CSMD1: variants seen among roughly 807,000 people sequenced by gnomAD.
The protein encoded by CSMD1 is CUB and Sushi multiple domains 1.
In CSMD1, 213 loss-of-function variants were observed where a neutral mutation model predicts 417.5. The observed-to-expected ratio is 0.51, with a 90% CI of 0.46 to 0.57. CSMD1 has a LOEUF of 0.57. CSMD1 is among the 20% of genes least tolerant of loss of function. The pLI, the probability that CSMD1 is intolerant of heterozygous loss-of-function variation, is 0.00. For missense variants in CSMD1, 6,923 were observed against 4,529.7 expected (o/e 1.53, Z -15.17); for synonymous variants, 2,862 against 1,736.8 (o/e 1.65, Z -16.11).
chr8:3,322,819 A>G (rs1584998241), intron 23 of CSMD1, among the ~76,000 whole-genome samples: 1 of 152,250 alleles, frequency 6.6e-6, no homozygotes, highest in South Asian at 2.1e-4. Flanking sequence ...TCTGCTTACA[A>G]AATCATTTCC....
At chr8:3,666,116 G>C (rs1287360098) in intron 7 of CSMD1, among the ~76,000 whole-genome samples, 4 of 152,148 alleles carry the variant, frequency 2.6e-5, no homozygotes, top group Admixed American at 6.5e-5. Context: ...GGCTGGTCTT[G>C]AACTTCTGAC....
chr8:4,573,279 C>G (rs887008487), intron 2 of CSMD1, among the ~76,000 whole-genome samples: 9 of 152,172 alleles, frequency 5.9e-5, no homozygotes, highest in Non-Finnish European at 1.3e-4. Context: ...ATCTTTTATG[C>G]TGATGACCTT....
chr8:4,364,243 C>G lies in CSMD1; in HGVS notation c.415+55710G>C, dbSNP rs148398726. ...AAGTAGTTAATTAACATTAAAAATG[C>G]TTTACATCTCAAAGGGGCAGAAAGG... On this transcript the variant is annotated intron_variant, in intron 3 of 69. Coordinates refer to ENST00000635120, the MANE Select transcript of CSMD1 (RefSeq NM_033225.6). Among the ~76,000 whole-genome samples the G allele has an allele frequency of 8.5e-3, 1,297 of 152,162 alleles. 18 individuals carry two copies. The highest frequency in any genetic ancestry group is 0.029 in the African/African-American group (1,203 of 41,520).
At position 4,411,215 on chromosome 8, in the gene CSMD1, G is replaced by C. The variant is rs550819282; in HGVS notation, c.415+8738C>G. Among the ~76,000 whole-genome samples, 22 of 152,148 alleles carry C rather than the reference G, an allele frequency of 1.4e-4. No homozygotes were observed. In the East Asian group the frequency reaches 4.1e-3, roughly 28 times the overall value. On this transcript the variant is annotated intron_variant, in intron 3 of 69. Transcript: ENST00000635120. ...TAAAATGAACTAGGAAACCCATCAA[G>C]TACAAATATTAATTAATACATATTT... is the stretch of plus-strand genomic sequence containing the variant.
intron 10 of CSMD1, among the ~76,000 whole-genome samples, chr8:3,571,158 A>G (rs1436882390): frequency 6.6e-6 from 1 of 152,152 alleles, no homozygotes; most frequent in Non-Finnish European, 1.5e-5. Flanking sequence ...CCAACTGACT[A>G]TGAGAGAAAA....
rs542998626 is a variant in CSMD1, at chr8:4,026,458, T to C, written c.610+5447A>G. On this transcript the variant is annotated intron_variant, in intron 4 of 69. Coordinates refer to ENST00000635120, the MANE Select transcript of CSMD1 (RefSeq NM_033225.6). ...CTGTTATGTCAACTTTGACTACAGA[T>C]ACGATTATGGAAATTTTAAAGATCC... Among the ~76,000 whole-genome samples the C allele has an allele frequency of 2.0e-5, 3 of 152,312 alleles. No homozygotes were observed. The South Asian group carries it at 6.2e-4, about 32-fold the overall frequency.
At chr8:3,396,165 C>A in intron 17 of CSMD1, 29 bp downstream of exon 17, 3 of 1,541,782 alleles carry the variant, frequency 1.9e-6, no homozygotes, top group Non-Finnish European at 2.6e-6. Context: ...TGCTGCCCTG[C>A]CGGGCTGTCA....
At chr8:4,211,757 C>A (rs190144280) in intron 3 of CSMD1, among the ~76,000 whole-genome samples, 99 of 152,262 alleles carry the variant, frequency 6.5e-4, no homozygotes, top group Non-Finnish European at 1.1e-3. Context: ...CAAATGTCAA[C>A]CTCCTTCACA....
intron 5 of CSMD1, among the ~76,000 whole-genome samples, chr8:3,908,036 G>A (rs1024008903): frequency 6.6e-6 from 1 of 152,078 alleles, no homozygotes; most frequent in East Asian, 1.9e-4. Context: ...GACTCCATAG[G>A]TATTTGACCC....
At chr8:4,073,772 C>G (rs1156282882) in intron 3 of CSMD1, among the ~76,000 whole-genome samples, 1 of 151,876 alleles carries the variant, frequency 6.6e-6, no homozygotes, top group African/African-American at 2.4e-5. Context: ...GAAAATGAAC[C>G]CAAATACAAA....
chr8:3,347,144 A>T (rs1360675080), intron 22 of CSMD1, among the ~76,000 whole-genome samples: 2 of 152,244 alleles, frequency 1.3e-5, no homozygotes, highest in Non-Finnish European at 2.9e-5. Flanking sequence ...GGCCACAGTC[A>T]AAGCTGTGCT....
At chr8:4,378,115 T>C (rs768042454) in intron 3 of CSMD1, among the ~76,000 whole-genome samples, 4 of 152,238 alleles carry the variant, frequency 2.6e-5, no homozygotes, top group Non-Finnish European at 5.9e-5. Context: ...AGCCAAATTT[T>C]ACGGGTGGCA....
intron 3 of CSMD1, among the ~76,000 whole-genome samples, chr8:4,225,943 G>A (rs556233576): frequency 3.3e-4 from 50 of 152,146 alleles, no homozygotes; most frequent in Admixed American, 3.1e-3. Flanking sequence ...GAATTTATTT[G>A]AATGTGAATT....
chr8:3,861,109 G>A (rs564565553), intron 5 of CSMD1, among the ~76,000 whole-genome samples: 4 of 152,062 alleles, frequency 2.6e-5, no homozygotes, highest in Non-Finnish European at 5.9e-5. Flanking sequence ...TCGAAAACAG[G>A]ACGTGGCTTT....
chr8:3,389,906 G>A (rs141081532), intron 17 of CSMD1, among the ~76,000 whole-genome samples: 1 of 152,244 alleles, frequency 6.6e-6, no homozygotes, highest in East Asian at 1.9e-4. Context: ...GAAATATGCA[G>A]ACATTGTTCT....
At chr8:4,677,879 A>G (rs1396422996) in intron 1 of CSMD1, among the ~76,000 whole-genome samples, 1 of 152,200 alleles carries the variant, frequency 6.6e-6, no homozygotes, top group Non-Finnish European at 1.5e-5. Flanking sequence ...GTATTAACAC[A>G]TCTGAATGCT....
At chr8:4,882,997 T>G (rs1014479229) in intron 1 of CSMD1, among the ~76,000 whole-genome samples, 2 of 151,998 alleles carry the variant, frequency 1.3e-5, no homozygotes, top group African/African-American at 4.8e-5. Flanking sequence ...AAGAGAAAAT[T>G]GACAATTAGC....
chr8:3,589,731 T>C (rs1800766521), intron 8 of CSMD1, among the ~76,000 whole-genome samples: 2 of 152,284 alleles, frequency 1.3e-5, no homozygotes, highest in Middle Eastern at 3.4e-3. Flanking sequence ...ACTTGAAAAT[T>C]GTCTGGAGAG....
chr8:4,485,441 T>C (rs1801326691), intron 2 of CSMD1, among the ~76,000 whole-genome samples: 2 of 152,204 alleles, frequency 1.3e-5, no homozygotes, highest in Admixed American at 6.5e-5. Flanking sequence ...AGGGCTTCTA[T>C]GGATTCACAA....
Sources: gnomAD v4.1 joint callset for allele counts (sites outside exome capture counted in the v4.1 genomes callset) on GRCh38, gnomAD v4.1.1 for gene constraint, MANE v1.5 for transcripts, NCBI Gene and HGNC (gene_info 2026-07-23, HGNC 2026-07-21) for gene names.